POU2F1: variants seen among roughly 807,000 people sequenced by gnomAD.
POU2F1 encodes POU class 2 homeobox 1.
Under a neutral mutation model 84.9 loss-of-function variants are expected in POU2F1, and 16 were observed. The observed-to-expected ratio is 0.19, with a 90% confidence interval of 0.13 to 0.29. The LOEUF is 0.29. Among genes scored for constraint, POU2F1 ranks in the 10% least tolerant of loss-of-function variants. POU2F1 has a pLI of 1.00. For missense variants in POU2F1, 738 were observed against 942.6 expected, an observed-to-expected ratio of 0.78 and a Z score of 2.84; for synonymous variants, 368 against 368.3, an observed-to-expected ratio of 1.00 and a Z score of 0.01.
chr1:167,407,602 A>G (rs960713196), intron 13 of POU2F1, among the ~76,000 whole-genome samples: 3 of 152,216 alleles, frequency 2.0e-5, no homozygotes, highest in Non-Finnish European at 1.5e-5. Flanking sequence ...CTTTAAATTT[A>G]TGCTTTATTG....
chr1:167,272,366 G>A (rs145166641), intron 1 of POU2F1, among the ~76,000 whole-genome samples: 1 of 129,590 alleles, frequency 7.7e-6, no homozygotes, highest in South Asian at 2.4e-4. Flanking sequence ...GGTTTTGTAA[G>A]TATGTTCCCA....
At chr1:167,413,437 C>T (rs1375378346) in intron 15 of POU2F1, among the ~76,000 whole-genome samples, 2 of 152,042 alleles carry the variant, frequency 1.3e-5, no homozygotes, top group African/African-American at 2.4e-5. Context: ...TTTTTTTCCC[C>T]TGATAAGTTT....
At chr1:167,310,404 A>G (rs906555843) in intron 1 of POU2F1, among the ~76,000 whole-genome samples, 2 of 152,142 alleles carry the variant, frequency 1.3e-5, no homozygotes, top group Non-Finnish European at 2.9e-5. Flanking sequence ...TGAAAATCCT[A>G]TCTATTTCTT....
chr1:167,224,826 T>C (rs1358283591), intron 1 of POU2F1, among the ~76,000 whole-genome samples: 2 of 65,866 alleles, frequency 3.0e-5, no homozygotes, highest in Non-Finnish European at 6.4e-5. Context: ...CACTGTCTTC[T>C]TTTTTTTTTT....
intron 13 of POU2F1, among the ~76,000 whole-genome samples, chr1:167,404,798 T>G (rs1215910898): frequency 2.0e-5 from 3 of 152,232 alleles, no homozygotes; most frequent in East Asian, 3.8e-4. Flanking sequence ...TGTGCCCTTC[T>G]GGATTATGGT....
In POU2F1 at chr1:167,365,477, C is replaced by T; in HGVS notation, c.138C>T (p.Thr46=). 2 of 1,590,412 alleles carry T rather than the reference C, an allele frequency of 1.3e-6. No individual in the cohort carries two copies. The highest frequency in any genetic ancestry group is 1.4e-5 in the African/African-American group (1 of 73,622). ...TTGCTTGCTTTCTAGGCACACAAAC[C>T]AATGGTCTGGACTTTCAGAAGCAGC... ...ESGDGNTGTQ[T]NGLDFQKQPV... The change falls in exon 3 of 16, where the codon ACC becomes ACT. Residue 46 remains threonine, a synonymous_variant. Coordinates refer to ENST00000367866, the MANE Select transcript of POU2F1 (RefSeq NM_002697.4).
At chr1:167,259,174 T>G (rs541336203) in intron 1 of POU2F1, among the ~76,000 whole-genome samples, 1 of 152,350 alleles carries the variant, frequency 6.6e-6, no homozygotes, top group South Asian at 2.1e-4. Context: ...GCTGGCCTTA[T>G]CTTGTTCACC....
At chr1:167,361,697 G>C (rs1022184613) in intron 2 of POU2F1, among the ~76,000 whole-genome samples, 13 of 152,222 alleles carry the variant, frequency 8.5e-5, no homozygotes, top group African/African-American at 3.1e-4. Flanking sequence ...AAGAAGTTAG[G>C]GAGGAGTTCC....
At chr1:167,395,932 T>G (rs1217596235) in intron 9 of POU2F1, among the ~76,000 whole-genome samples, 2 of 152,224 alleles carry the variant, frequency 1.3e-5, no homozygotes, top group Non-Finnish European at 2.9e-5. Context: ...TAAAAATTAC[T>G]TAAATCACTT....
intron 5 of POU2F1, among the ~76,000 whole-genome samples, chr1:167,372,945 C>G (rs879549271): frequency 6.6e-6 from 1 of 151,738 alleles, no homozygotes; most frequent in Admixed American, 6.6e-5. Flanking sequence ...TTCTTTCTTT[C>G]TTTCTTTTTT....
Position 167,337,115 on chromosome 1 carries a change from A to G in POU2F1, c.127+4580A>G, listed in dbSNP as rs1160437053. ...GAGGTGGAGGTTGCAGTGAGCCGAG[A>G]TTGGGCCATTGCACTCCAGCCTGGG... On this transcript the variant is annotated intron_variant, in intron 2 of 15. Coordinates refer to ENST00000367866, the MANE Select transcript of POU2F1 (RefSeq NM_002697.4). Among the ~76,000 whole-genome samples, 3 of 150,666 alleles carry G rather than the reference A, an allele frequency of 2.0e-5. No homozygotes were observed. The Admixed American group carries it at 2.0e-4, about 10-fold the overall frequency.
intron 1 of POU2F1, among the ~76,000 whole-genome samples, chr1:167,300,909 T>TACAG (rs1654648494): frequency 6.6e-6 from 1 of 152,166 alleles, no homozygotes; most frequent in Non-Finnish European, 1.5e-5. Flanking sequence ...TGGCTGGGAT[T>TACAG]ACAGGCGCAT....
chr1:167,292,270 TTAGCTAAAA>T (rs969468454), intron 1 of POU2F1, among the ~76,000 whole-genome samples: 13 of 152,100 alleles, frequency 8.5e-5, no homozygotes, highest in Non-Finnish European at 1.6e-4. Flanking sequence ...TTGGTTTGAT[TTAGCTAAAA>T]TTTACCCTAC....
At chr1:167,298,992 C>T (rs964103821) in intron 1 of POU2F1, among the ~76,000 whole-genome samples, 6 of 151,790 alleles carry the variant, frequency 4.0e-5, no homozygotes, top group Admixed American at 1.3e-4. Flanking sequence ...GAGCAAACTC[C>T]GTCTCTACTA....
rs773243770 is a variant in POU2F1, at chr1:167,411,960, C to A, written c.1557C>A (p.Gly519=). 6.2e-6 allele frequency: 10 copies of A among 1,606,946 alleles called. No individual in the cohort carries two copies. Among genetic ancestry groups the A allele is most frequent in the Non-Finnish European group, 8.5e-6 (10 of 1,175,216 alleles). ...CTTCTAATCTGTTTGTCTTTTCAGG[C>A]ACTTCAGACACCACCTCCAACAACA... The part of the protein sequence containing the change: ...SAAVTNLSVT[G]TSDTTSNNTA... Residue 519 remains glycine, a splice_region_variant and synonymous_variant, in exon 14 of 16, where the codon GGC becomes GGA. Coordinates refer to ENST00000367866, the MANE Select transcript of POU2F1 (RefSeq NM_002697.4).
At chr1:167,332,351 T>G (rs949487625) in intron 1 of POU2F1, 119 bp from the exon 2 acceptor site, 9 of 651,688 alleles carry the variant, frequency 1.4e-5, no homozygotes, top group Admixed American at 2.7e-5. Context: ...ACACTGGGTC[T>G]TCTTAAACTA....
intron 1 of POU2F1, among the ~76,000 whole-genome samples, chr1:167,285,534 G>A (rs549499338): frequency 5.9e-4 from 90 of 152,054 alleles, no homozygotes; most frequent in Non-Finnish European, 1.0e-3. Context: ...CAAAGCTTGC[G>A]GTGAGCTGAG....
At chr1:167,394,267 C>T (rs1353857220) in intron 9 of POU2F1, among the ~76,000 whole-genome samples, 6 of 152,030 alleles carry the variant, frequency 3.9e-5, no homozygotes, top group African/African-American at 9.7e-5. Context: ...ATAATCCACC[C>T]GCCTGGGCCT....
chr1:167,394,232 G>A (rs1216527061), intron 9 of POU2F1, among the ~76,000 whole-genome samples: 1 of 151,984 alleles, frequency 6.6e-6, no homozygotes, highest in Admixed American at 6.6e-5. Context: ...TGTTGGCCAG[G>A]CTGGTCTCGA....
Sources: gnomAD v4.1 joint callset for allele counts (sites outside exome capture counted in the v4.1 genomes callset) on GRCh38, gnomAD v4.1.1 for gene constraint, MANE v1.5 for transcripts, NCBI Gene and HGNC (gene_info 2026-07-23, HGNC 2026-07-21) for gene names.